Variants in FHIT observed in about 807,000 individuals in gnomAD.
The protein encoded by FHIT is fragile histidine triad diadenosine triphosphatase.
FHIT carries 19 observed loss-of-function variants against 17.9 expected under a neutral mutation model. That is an observed-to-expected ratio of 1.06 (90% CI 0.74 to 1.56). The LOEUF (loss-of-function observed/expected upper bound fraction) is 1.56, where lower values mean the gene tolerates loss of function less well. Ranked by LOEUF, FHIT falls within the 40% of genes most tolerant of loss-of-function variation. The pLI is 0.00. For missense variants in FHIT, 248 were observed against 189.2 expected (o/e 1.31, Z -1.82); for synonymous variants, 81 against 69.7 (o/e 1.16, Z -0.81).
intron 5 of FHIT, among the ~76,000 whole-genome samples, chr3:60,457,590 T>C (rs1028754648): frequency 6.6e-6 from 1 of 152,078 alleles, no homozygotes; most frequent in Admixed American, 6.6e-5. Context: ...TGGGATCCAA[T>C]TAAACTAAAG....
rs533235013 is a variant in FHIT, at chr3:59,901,315, A to T, written c.348+21031T>A. On this transcript the variant is annotated intron_variant, in intron 8 of 9. Transcript: ENST00000492590. ...TGGGACCTTGGGTAAATGAGTGAATAATCTGAACTTGAATTGCTTCACCTG... is the reference window on the plus strand; with the variant it reads ...TGGGACCTTGGGTAAATGAGTGAATTATCTGAACTTGAATTGCTTCACCTG... Among the ~76,000 whole-genome samples the T allele has an allele frequency of 2.0e-5, 3 of 152,350 alleles. No homozygotes were observed. The South Asian group carries it at 6.2e-4, about 32-fold the overall frequency.
At chr3:60,262,159 G>C (rs1706336552) in intron 5 of FHIT, among the ~76,000 whole-genome samples, 1 of 151,992 alleles carries the variant, frequency 6.6e-6, no homozygotes, top group Non-Finnish European at 1.5e-5. Context: ...CATGAGTCTA[G>C]TGACAGATGA....
chr3:59,775,295 C>G (rs1559594567), intron 8 of FHIT, among the ~76,000 whole-genome samples: 1 of 152,168 alleles, frequency 6.6e-6, no homozygotes, highest in Non-Finnish European at 1.5e-5. Flanking sequence ...GGAGTGACCT[C>G]TCTGCACAGA....
intron 5 of FHIT, among the ~76,000 whole-genome samples, chr3:60,377,070 T>TG (rs1700593177): frequency 6.6e-6 from 1 of 152,302 alleles, no homozygotes; most frequent in Admixed American, 6.5e-5. Flanking sequence ...CTAGGAAAGT[T>TG]GAAAAAATAC....
At chr3:59,752,162 G>A in intron 9 of FHIT, 59 bp downstream of exon 9, 1 of 1,211,916 alleles carries the variant, frequency 8.3e-7, no homozygotes, top group East Asian at 2.4e-5. Context: ...TTCTGAGAGT[G>A]CAGCCTCTTT....
chr3:59,793,507 A>G (rs1699655182), intron 8 of FHIT, among the ~76,000 whole-genome samples: 1 of 152,228 alleles, frequency 6.6e-6, no homozygotes, highest in East Asian at 1.9e-4. Context: ...TGGTAAAGAG[A>G]CTTGAGCCTC....
intron 5 of FHIT, among the ~76,000 whole-genome samples, chr3:60,338,139 A>C (rs983858157): frequency 6.6e-6 from 1 of 152,196 alleles, no homozygotes; most frequent in African/African-American, 2.4e-5. Context: ...CATAAAGGGA[A>C]GCATACATAT....
intron 4 of FHIT, among the ~76,000 whole-genome samples, chr3:60,818,832 A>T (rs531543218): frequency 4.5e-4 from 69 of 152,276 alleles, no homozygotes; most frequent in Middle Eastern, 6.8e-3. Flanking sequence ...AACCAAAAAC[A>T]CTGTGAGTTT....
intron 5 of FHIT, among the ~76,000 whole-genome samples, chr3:60,132,448 G>A (rs1005091702): frequency 1.3e-5 from 2 of 152,102 alleles, no homozygotes; most frequent in Admixed American, 6.6e-5. Context: ...TGAAAAGGGG[G>A]GAAAAATTAT....
chr3:59,868,836 G>T (rs1341619597), intron 8 of FHIT, among the ~76,000 whole-genome samples: 1 of 152,180 alleles, frequency 6.6e-6, no homozygotes, highest in Non-Finnish European at 1.5e-5. Context: ...TGAAGAAGGA[G>T]AAGGAGAAGA....
At chr3:60,705,780 C>T (rs560345843) in intron 4 of FHIT, among the ~76,000 whole-genome samples, 1 of 152,194 alleles carries the variant, frequency 6.6e-6, no homozygotes, top group Non-Finnish European at 1.5e-5. Context: ...AGAAGCTACA[C>T]ATGCGTCTCA....
chr3:60,692,594 G>A (rs1422324808), intron 4 of FHIT, among the ~76,000 whole-genome samples: 1 of 152,144 alleles, frequency 6.6e-6, no homozygotes, highest in East Asian at 1.9e-4. Context: ...AAGGTAGGAA[G>A]GACAAGGAAA....
intron 5 of FHIT, among the ~76,000 whole-genome samples, chr3:60,363,754 G>GC (rs1269424111): frequency 2.6e-5 from 4 of 152,038 alleles, no homozygotes; most frequent in African/African-American, 4.8e-5. Flanking sequence ...AGCTTCCCTG[G>GC]CCCCCCTGGC....
In FHIT at chr3:60,500,211, T is replaced by G. The variant is rs143950653; in HGVS notation, c.103+36649A>C. On this transcript the variant is annotated intron_variant, in intron 5 of 9. Coordinates refer to ENST00000492590, the MANE Select transcript of FHIT (RefSeq NM_002012.4). ...CAGCCCTGTTTGCCCGTTTACCAAT[T>G]GATGATGTTGCTTTCACACTAGAAT... Among the ~76,000 whole-genome samples the G allele has an allele frequency of 1.3e-3, 201 of 152,326 alleles. 2 individuals carry two copies. The highest frequency in any genetic ancestry group is 4.7e-3 in the African/African-American group (196 of 41,570).
chr3:60,032,944 G>A (rs915722428), intron 5 of FHIT, among the ~76,000 whole-genome samples: 1 of 151,998 alleles, frequency 6.6e-6, no homozygotes. Context: ...ACAAGATAGA[G>A]AAACAAGTTA....
At chr3:60,960,111 G>C (rs1213946907) in intron 3 of FHIT, among the ~76,000 whole-genome samples, 1 of 151,850 alleles carries the variant, frequency 6.6e-6, no homozygotes, top group Non-Finnish European at 1.5e-5. Context: ...AAGGTAAAAA[G>C]ATACTACTTG....
intron 1 of FHIT, among the ~76,000 whole-genome samples, chr3:61,214,074 C>T (rs1353447789): frequency 3.3e-5 from 5 of 152,118 alleles, no homozygotes; most frequent in African/African-American, 4.8e-5. Flanking sequence ...AAAATTGACA[C>T]CCTAACATCA....
chr3:59,975,344 G>C (rs1708362258), intron 7 of FHIT, among the ~76,000 whole-genome samples: 1 of 152,064 alleles, frequency 6.6e-6, no homozygotes, highest in Admixed American at 6.6e-5. Flanking sequence ...TGTGTCCCAA[G>C]TGGCTACCTC....
intron 5 of FHIT, among the ~76,000 whole-genome samples, chr3:60,139,724 G>C (rs574721486): frequency 1.0e-3 from 152 of 152,100 alleles, no homozygotes; most frequent in Non-Finnish European, 1.8e-3. Context: ...CCAGAAATAC[G>C]TGTTGTATGG....
Sources: allele counts gnomAD v4.1 joint callset (sites outside exome capture counted in the v4.1 genomes callset), GRCh38; gene constraint gnomAD v4.1.1; transcripts MANE v1.5; gene names NCBI Gene and HGNC (gene_info 2026-07-23, HGNC 2026-07-21).